KCND2: variants seen among roughly 807,000 people sequenced by gnomAD.
KCND2 encodes potassium voltage-gated channel subfamily D member 2, also known as A-type voltage-gated potassium channel KCND2.
In KCND2, 16 loss-of-function variants were observed where a neutral mutation model predicts 54.4. The ratio of observed to expected loss-of-function variants is 0.29; its 90% CI spans 0.20 to 0.45. KCND2 has a LOEUF of 0.45. Among genes scored for constraint, KCND2 ranks in the 20% least tolerant of loss-of-function variants. The pLI is 1.00. For synonymous variants in KCND2, 317 were observed against 310.7 expected (o/e 1.02, Z -0.21); for missense variants, 486 against 824.2 (o/e 0.59, Z 5.02).
intron 1 of KCND2, among the ~76,000 whole-genome samples, chr7:120,463,205 A>G (rs544812794): frequency 1.4e-4 from 21 of 152,018 alleles, no homozygotes; most frequent in African/African-American, 5.1e-4. Flanking sequence ...TGGCAAGTAT[A>G]TTGCATTTTT....
At chr7:120,463,056 C>T (rs1802306397) in intron 1 of KCND2, among the ~76,000 whole-genome samples, 1 of 152,054 alleles carries the variant, frequency 6.6e-6, no homozygotes, top group African/African-American at 2.4e-5. Flanking sequence ...TAAGCTTATT[C>T]ATTCTCTTTT....
At chr7:120,411,740 A>G (rs1158109843) in intron 1 of KCND2, among the ~76,000 whole-genome samples, 1 of 151,978 alleles carries the variant, frequency 6.6e-6, no homozygotes, top group Non-Finnish European at 1.5e-5. Context: ...GCATCATGTA[A>G]TCTGTCAGCT....
chr7:120,326,422 A>G (rs1167875210), intron 1 of KCND2, among the ~76,000 whole-genome samples: 1 of 152,128 alleles, frequency 6.6e-6, no homozygotes, highest in African/African-American at 2.4e-5. Flanking sequence ...GATTACAATA[A>G]TATTCATAAT....
chr7:120,333,694 T>A (rs1000276222), intron 1 of KCND2, among the ~76,000 whole-genome samples: 1 of 152,256 alleles, frequency 6.6e-6, no homozygotes, highest in Admixed American at 6.5e-5. Context: ...ATTATTATTA[T>A]ACTATTATTT....
At chr7:120,623,794 G>A (rs1202238019) in intron 1 of KCND2, among the ~76,000 whole-genome samples, 2 of 152,118 alleles carry the variant, frequency 1.3e-5, no homozygotes, top group Admixed American at 6.6e-5. Flanking sequence ...AATTTAACCA[G>A]GTCCTGAAGA....
At chr7:120,409,342 T>C (rs1443220766) in intron 1 of KCND2, among the ~76,000 whole-genome samples, 2 of 152,016 alleles carry the variant, frequency 1.3e-5, no homozygotes, top group Non-Finnish European at 2.9e-5. Context: ...TTGGCTATTA[T>C]GTTATATACT....
intron 1 of KCND2, among the ~76,000 whole-genome samples, chr7:120,410,671 T>C (rs1188096423): frequency 6.6e-6 from 1 of 151,278 alleles, no homozygotes; most frequent in African/African-American, 2.4e-5. Context: ...ACATTAGGTA[T>C]ATCTCCTAAT....
At chr7:120,349,254 C>T (rs987484184) in intron 1 of KCND2, among the ~76,000 whole-genome samples, 3 of 151,806 alleles carry the variant, frequency 2.0e-5, no homozygotes, top group Non-Finnish European at 4.4e-5. Context: ...AGTAGTGAGA[C>T]GGACATGAGA....
chr7:120,328,909 GT>G (rs546511938), intron 1 of KCND2, among the ~76,000 whole-genome samples: 3 of 152,086 alleles, frequency 2.0e-5, no homozygotes, highest in Non-Finnish European at 4.4e-5. Context: ...AACAAATCAT[GT>G]TTTTATCTCT....
chr7:120,745,871 C>A lies in KCND2; in HGVS notation c.1559C>A (p.Ser520Tyr). ...CCTTCAAGTCACAGTCCTTCACTGT[C>A]TTCACAACAAGGAGTCACCAGCACC... Reference protein sequence around the residue: ...NRPSSHSPSLSSQQGVTSTCC... With the variant: ...NRPSSHSPSLYSQQGVTSTCC... Residue 520 changes from serine (S) to tyrosine (Y), a missense_variant, in exon 5 of 6, where the codon TCT (serine) becomes TAT (tyrosine). Physicochemically the swap from Ser to Tyr is moderately radical, Grantham distance 144. Coordinates refer to ENST00000331113, the MANE Select transcript of KCND2 (RefSeq NM_012281.3). The A allele has an allele frequency of 6.2e-7, 1 of 1,613,878 alleles. No individual in the cohort carries two copies. Among genetic ancestry groups the A allele is most frequent in the South Asian group, 1.1e-5 (1 of 91,082 alleles).
chr7:120,665,357 C>G (rs149287906), intron 1 of KCND2, among the ~76,000 whole-genome samples: 1 of 152,080 alleles, frequency 6.6e-6, no homozygotes, highest in Non-Finnish European at 1.5e-5. Flanking sequence ...ATATTTACCT[C>G]TCTCTTAGGC....
At chr7:120,746,267 C>A (rs144252867) in intron 5 of KCND2, among the ~76,000 whole-genome samples, 356 of 152,244 alleles carry the variant, frequency 2.3e-3, no homozygotes, top group Non-Finnish European at 4.0e-3. Flanking sequence ...TGAGTGCACA[C>A]AAATGTGTTT....
At chr7:120,641,751 A>ATTT (rs1156505247) in intron 1 of KCND2, among the ~76,000 whole-genome samples, 4 of 95,132 alleles carry the variant, frequency 4.2e-5, no homozygotes, top group Admixed American at 1.1e-4. Context: ...TTCCAAGCAT[A>ATTT]TTCTTTTTTT....
chr7:120,403,175 C>T (rs1026186161), intron 1 of KCND2, among the ~76,000 whole-genome samples: 1 of 152,134 alleles, frequency 6.6e-6, no homozygotes, highest in African/African-American at 2.4e-5. Context: ...ATCTTAATCC[C>T]AATTCCAAGT....
At chr7:120,484,990 G>C (rs1802673114) in intron 1 of KCND2, among the ~76,000 whole-genome samples, 1 of 152,038 alleles carries the variant, frequency 6.6e-6, no homozygotes, top group Admixed American at 6.6e-5. Context: ...GGACTCAAGT[G>C]ATCCTCCTGC....
At chr7:120,620,745 A>AC (rs1793087749) in intron 1 of KCND2, among the ~76,000 whole-genome samples, 1 of 152,176 alleles carries the variant, frequency 6.6e-6, no homozygotes. Flanking sequence ...TCCTGGGCAA[A>AC]CCCCAACTCA....
intron 1 of KCND2, among the ~76,000 whole-genome samples, chr7:120,641,550 G>C (rs1793375767): frequency 1.3e-5 from 2 of 152,146 alleles, no homozygotes; most frequent in Admixed American, 1.3e-4. Context: ...ACCTGGGCTT[G>C]GAGAAGCACT....
At chr7:120,570,544 G>A (rs1179148149) in intron 1 of KCND2, among the ~76,000 whole-genome samples, 2 of 151,892 alleles carry the variant, frequency 1.3e-5, no homozygotes, top group East Asian at 1.9e-4. Flanking sequence ...TAACAAAAAA[G>A]TGTATTTCAG....
At chr7:120,535,366 C>T (rs1791893029) in intron 1 of KCND2, among the ~76,000 whole-genome samples, 1 of 152,058 alleles carries the variant, frequency 6.6e-6, no homozygotes. Context: ...AAAAAAGTAA[C>T]TATAGGTAGA....
Sources: allele counts gnomAD v4.1 joint callset (sites outside exome capture counted in the v4.1 genomes callset), GRCh38; gene constraint gnomAD v4.1.1; transcripts MANE v1.5; gene names NCBI Gene and HGNC (gene_info 2026-07-23, HGNC 2026-07-21).